The following SGCZ variants were observed in gnomAD, a reference collection of about 807,000 sequenced individuals.
SGCZ encodes zeta-sarcoglycan.
Under a neutral mutation model 41.3 loss-of-function variants are expected in SGCZ, and 40 were observed. That is an observed-to-expected ratio of 0.97 (90% CI 0.75 to 1.26). The LOEUF is 1.26. Ranked by LOEUF, SGCZ falls within the 50% of genes most tolerant of loss-of-function variation. The pLI is 0.00. For synonymous variants in SGCZ, 206 were observed against 137.5 expected (o/e 1.50, Z -3.49); for missense variants, 552 against 369.8 (o/e 1.49, Z -4.04).
chr8:15,000,972 A>T (rs1802396969), intron 1 of SGCZ, among the ~76,000 whole-genome samples: 1 of 152,190 alleles, frequency 6.6e-6, no homozygotes, highest in East Asian at 1.9e-4. Context: ...TATACTCAAG[A>T]CAACATAGCC....
intron 1 of SGCZ, among the ~76,000 whole-genome samples, chr8:14,779,973 A>G (rs969129277): frequency 1.3e-5 from 2 of 152,212 alleles, no homozygotes; most frequent in African/African-American, 2.4e-5. Context: ...TCTCACGGAC[A>G]TATCAGGAGG....
At chr8:14,348,419 A>G (rs971151633) in intron 2 of SGCZ, among the ~76,000 whole-genome samples, 1 of 152,154 alleles carries the variant, frequency 6.6e-6, no homozygotes, top group Non-Finnish European at 1.5e-5. Context: ...GTTCAGTTAC[A>G]GGATCAATAA....
chr8:14,606,669 T>C (rs79683061), intron 1 of SGCZ, among the ~76,000 whole-genome samples: 5,218 of 152,278 alleles, frequency 0.034, 211 homozygotes, highest in African/African-American at 0.095. Flanking sequence ...ACTAACATTC[T>C]GAAATGAAAA....
intron 2 of SGCZ, among the ~76,000 whole-genome samples, chr8:14,371,131 G>A (rs1295661612): frequency 6.6e-6 from 1 of 151,844 alleles, no homozygotes; most frequent in Non-Finnish European, 1.5e-5. Context: ...CTCCCAGATG[G>A]TAAACACCTT....
At chr8:14,112,275 T>C (rs1802395051) in intron 5 of SGCZ, among the ~76,000 whole-genome samples, 1 of 117,396 alleles carries the variant, frequency 8.5e-6, no homozygotes, top group Non-Finnish European at 1.7e-5. Context: ...TTTGAGTTTT[T>C]TTTTTTGTGG....
intron 1 of SGCZ, among the ~76,000 whole-genome samples, chr8:14,817,537 G>A (rs1446099033): frequency 6.6e-6 from 1 of 152,096 alleles, no homozygotes. Context: ...CTAGGGATCA[G>A]TTTCAACTGA....
chr8:15,235,801 C>A (rs941340279), intron 1 of SGCZ, among the ~76,000 whole-genome samples: 43 of 152,302 alleles, frequency 2.8e-4, no homozygotes, highest in Non-Finnish European at 5.7e-4. Flanking sequence ...CTGTGTCATA[C>A]CCTAAAGTTA....
At chr8:14,566,927 GGCTGGCCCCGCCA>G (rs1563119793) in intron 1 of SGCZ, among the ~76,000 whole-genome samples, 1 of 152,166 alleles carries the variant, frequency 6.6e-6, no homozygotes, top group East Asian at 1.9e-4. Context: ...CAGAGCGGCC[GGCTGGCCCCGCCA>G]GCTGGCCCCA....
intron 3 of SGCZ, among the ~76,000 whole-genome samples, chr8:14,270,583 C>T (rs1421202605): frequency 6.6e-6 from 1 of 152,068 alleles, no homozygotes; most frequent in Non-Finnish European, 1.5e-5. Context: ...TTTAATATAT[C>T]TGGGAGCTAT....
rs541508751 is a variant in SGCZ, at chr8:14,854,324, A to G, written c.40-299398T>C. ...TCGCAATTCACAAAACAAAAAGTTA[A>G]TTTGTATTCATTGAATAAGATAATA... On this transcript the variant is annotated intron_variant, in intron 1 of 7. Transcript: ENST00000382080. Among the ~76,000 whole-genome samples the G allele has an allele frequency of 1.8e-3, 268 of 151,942 alleles. 1 individual carries two copies. The highest frequency in any genetic ancestry group is 6.2e-3 in the African/African-American group (256 of 41,518).
chr8:15,228,501 T>A (rs931129717), intron 1 of SGCZ, among the ~76,000 whole-genome samples: 3 of 152,196 alleles, frequency 2.0e-5, no homozygotes, highest in African/African-American at 4.8e-5. Context: ...ATGAAAACAT[T>A]GATTTTTATA....
At chr8:14,837,319 G>T (rs1027880217) in intron 1 of SGCZ, among the ~76,000 whole-genome samples, 2 of 152,216 alleles carry the variant, frequency 1.3e-5, no homozygotes, top group Non-Finnish European at 2.9e-5. Context: ...TGAGAAAGGT[G>T]TACCAGGCAA....
chr8:15,037,483 G>T lies in SGCZ; in HGVS notation c.39+200102C>A, dbSNP rs145687069. On this transcript the variant is annotated intron_variant, in intron 1 of 7. Coordinates refer to ENST00000382080, the MANE Select transcript of SGCZ (RefSeq NM_139167.4). ...AGTTATTTATCACAGCATGAGAATG[G>T]ACTAATACATATGAGAAACCTACAG... Among the ~76,000 whole-genome samples the T allele has an allele frequency of 1.6e-3, 244 of 152,210 alleles. 7 individuals carry two copies. Among genetic ancestry groups the T allele is most frequent in the Admixed American group, 0.016 (237 of 15,280 alleles).
chr8:14,165,533 C>A (rs1804181395), intron 4 of SGCZ, among the ~76,000 whole-genome samples: 1 of 152,132 alleles, frequency 6.6e-6, no homozygotes, highest in African/African-American at 2.4e-5. Context: ...AGCAGTAATT[C>A]ATCTTCCCAT....
intron 2 of SGCZ, among the ~76,000 whole-genome samples, chr8:14,392,715 A>C (rs1804819294): frequency 6.6e-6 from 1 of 152,196 alleles, no homozygotes; most frequent in South Asian, 2.1e-4. Context: ...TTTTGGACTT[A>C]GCAAATTATA....
At chr8:14,783,599 G>C (rs1159802224) in intron 1 of SGCZ, among the ~76,000 whole-genome samples, 1 of 151,874 alleles carries the variant, frequency 6.6e-6, no homozygotes, top group Admixed American at 6.6e-5. Flanking sequence ...TTCAGATTCT[G>C]ACAACCAATT....
rs117065991 is a variant in SGCZ at position 14,157,852 on chromosome 8, G to T, written c.547+6728C>A. ...CAGAACACTGAAGACATAGACATATGAATAGTCTGATTTCCTATAGATCAT... is the reference window on the plus strand; with the variant it reads ...CAGAACACTGAAGACATAGACATATTAATAGTCTGATTTCCTATAGATCAT... On this transcript the variant is annotated intron_variant, in intron 5 of 7. Coordinates refer to ENST00000382080, the MANE Select transcript of SGCZ (RefSeq NM_139167.4). Among the ~76,000 whole-genome samples the T allele has an allele frequency of 3.0e-3, 464 of 152,180 alleles. 8 individuals are homozygous for T. The highest frequency in any genetic ancestry group is 0.011 in the East Asian group (58 of 5,148).
intron 1 of SGCZ, among the ~76,000 whole-genome samples, chr8:14,909,084 A>C (rs1481378541): frequency 1.3e-5 from 2 of 152,202 alleles, no homozygotes; most frequent in Non-Finnish European, 2.9e-5. Flanking sequence ...AATCATGTGC[A>C]TCAAGTTGAT....
chr8:14,808,480 A>C (rs1414340291), intron 1 of SGCZ, among the ~76,000 whole-genome samples: 1 of 152,158 alleles, frequency 6.6e-6, no homozygotes, highest in Admixed American at 6.5e-5. Flanking sequence ...ACACATGAAA[A>C]AATGATCATC....
Sources: allele counts gnomAD v4.1 joint callset (sites outside exome capture counted in the v4.1 genomes callset), GRCh38; gene constraint gnomAD v4.1.1; transcripts MANE v1.5; gene names NCBI Gene and HGNC (gene_info 2026-07-23, HGNC 2026-07-21).